Variants in ATP8A2 observed in about 807,000 individuals in gnomAD.
ATP8A2 encodes ATPase phospholipid transporting 8A2.
ATP8A2 carries 100 observed loss-of-function variants against 165.6 expected under a neutral mutation model. That is an observed-to-expected ratio of 0.60 (90% CI 0.51 to 0.71). The LOEUF (loss-of-function observed/expected upper bound fraction) is 0.71, where lower values mean the gene tolerates loss of function less well. Among genes scored for constraint, ATP8A2 ranks in the 30% least tolerant of loss-of-function variants. The pLI is 0.00. For synonymous variants in ATP8A2, 543 were observed against 548.8 expected, an observed-to-expected ratio of 0.99 and a Z score of 0.15; for missense variants, 1,227 against 1,479.5, an observed-to-expected ratio of 0.83 and a Z score of 2.80.
rs145593650 is a variant in ATP8A2, at chr13:25,737,544, G to A, written c.2385-31502G>A. Among the ~76,000 whole-genome samples, 851 of 152,306 alleles carry A rather than the reference G, an allele frequency of 5.6e-3. 10 individuals are homozygous for A. Among genetic ancestry groups the A allele is most frequent in the African/African-American group, 0.02 (819 of 41,564 alleles). On this transcript the variant is annotated intron_variant, in intron 25 of 36. Coordinates refer to ENST00000381655, the MANE Select transcript of ATP8A2 (RefSeq NM_016529.6). ...AGACAGGGTCACACTCTATCACCCA[G>A]GCTGGAGTGCAGTGGCACGATCATG... is the stretch of plus-strand genomic sequence containing the variant.
intron 35 of ATP8A2, among the ~76,000 whole-genome samples, chr13:26,011,913 C>G (rs543845194): frequency 6.6e-6 from 1 of 151,426 alleles, no homozygotes; most frequent in Admixed American, 6.6e-5. Flanking sequence ...CCAGTCTGGA[C>G]GACAGTGAGA....
At position 25,679,445 on chromosome 13, in the gene ATP8A2, A is replaced by G. The variant is rs555487812; in HGVS notation, c.2212-19728A>G. Among the ~76,000 whole-genome samples, 5 of 152,290 alleles carry G rather than the reference A, an allele frequency of 3.3e-5. No individual in the cohort carries two copies. The South Asian group carries it at 1.0e-3, about 32-fold the overall frequency. On this transcript the variant is annotated intron_variant, in intron 24 of 36. Transcript: ENST00000381655. The stretch of plus-strand genomic sequence containing the variant: ...GCCAGGGATAAACTTTGGGGCAGAT[A>G]ATGCGATTTGACTTCCTTGGGTGTT...
intron 1 of ATP8A2, among the ~76,000 whole-genome samples, chr13:25,409,952 G>A (rs2033918353): frequency 6.6e-6 from 1 of 151,746 alleles, no homozygotes; most frequent in Non-Finnish European, 1.5e-5. Flanking sequence ...ATGTGTGTAT[G>A]TATATAGAAA....
chr13:25,419,229 G>T (rs1047115070), intron 1 of ATP8A2, among the ~76,000 whole-genome samples: 1 of 152,180 alleles, frequency 6.6e-6, no homozygotes, highest in African/African-American at 2.4e-5. Flanking sequence ...GTCTTGGTCA[G>T]TGACTTGCAC....
intron 23 of ATP8A2, among the ~76,000 whole-genome samples, chr13:25,582,973 G>GA (rs1593583141): frequency 6.6e-6 from 1 of 152,346 alleles, no homozygotes; most frequent in East Asian, 1.9e-4. Context: ...GCTCACAAGA[G>GA]AGTAACATAG....
At position 25,475,121 on chromosome 13, in the gene ATP8A2, C is replaced by T. The variant is rs143685494; in HGVS notation, c.221+6000C>T. ...AGGTGTGGCTCACACCTGTAATAGG[C>T]CACTGTGCCCGGCCTCAATAGTTAT... On this transcript the variant is annotated intron_variant, in intron 2 of 36. Coordinates refer to ENST00000381655, the MANE Select transcript of ATP8A2 (RefSeq NM_016529.6). Among the ~76,000 whole-genome samples the T allele has an allele frequency of 6.8e-4, 104 of 152,190 alleles. 1 individual carries two copies. The highest frequency in any genetic ancestry group is 2.4e-3 in the African/African-American group (101 of 41,544).
chr13:25,894,630 C>T (rs576659164), intron 33 of ATP8A2, among the ~76,000 whole-genome samples: 41 of 152,142 alleles, frequency 2.7e-4, no homozygotes, highest in South Asian at 6.3e-4. Flanking sequence ...TTGGGCAGTG[C>T]GGCCATTTTC....
At chr13:25,458,595 G>A (rs2035424640) in intron 1 of ATP8A2, among the ~76,000 whole-genome samples, 1 of 152,240 alleles carries the variant, frequency 6.6e-6, no homozygotes, top group Non-Finnish European at 1.5e-5. Context: ...AGAATGGCAT[G>A]AGGGAAGTGC....
chr13:25,405,639 T>C (rs1366646235), intron 1 of ATP8A2, among the ~76,000 whole-genome samples: 2 of 152,162 alleles, frequency 1.3e-5, no homozygotes, highest in Non-Finnish European at 2.9e-5. Context: ...CCAGGAGAGT[T>C]TGACAAACCA....
chr13:25,966,336 A>C (rs1480659206), intron 34 of ATP8A2, among the ~76,000 whole-genome samples: 1 of 152,250 alleles, frequency 6.6e-6, no homozygotes, highest in Non-Finnish European at 1.5e-5. Flanking sequence ...CCTAAGTGAC[A>C]TGCCAGTGGC....
At chr13:25,527,839 T>G (rs2037890800) in intron 2 of ATP8A2, among the ~76,000 whole-genome samples, 1 of 152,190 alleles carries the variant, frequency 6.6e-6, no homozygotes, top group Non-Finnish European at 1.5e-5. Context: ...GCTGGGGTAA[T>G]GTGCCAACTG....
At chr13:25,592,494 A>G (rs566817536) in intron 24 of ATP8A2, among the ~76,000 whole-genome samples, 2 of 152,322 alleles carry the variant, frequency 1.3e-5, no homozygotes, top group Non-Finnish European at 2.9e-5. Context: ...AGAAGTAGAA[A>G]ATGAGTAAGC....
rs182781779 is a variant in ATP8A2 at position 25,773,886 on chromosome 13, A to G, written c.2569-963A>G. ...TGTCTCTGTGTATCTATGTGTGTAC[A>G]TCCGTGTGTGTCTATATGTGTGTGT... is the stretch of plus-strand genomic sequence containing the variant. On this transcript the variant is annotated intron_variant, in intron 26 of 36. Coordinates refer to ENST00000381655, the MANE Select transcript of ATP8A2 (RefSeq NM_016529.6). Among the ~76,000 whole-genome samples, 301 of 152,118 alleles carry G rather than the reference A, an allele frequency of 2.0e-3. 2 individuals carry two copies. Among genetic ancestry groups the G allele is most frequent in the Non-Finnish European group, 2.1e-3 (144 of 68,002 alleles).
intron 28 of ATP8A2, among the ~76,000 whole-genome samples, chr13:25,831,575 G>A (rs541819819): frequency 6.6e-6 from 1 of 152,218 alleles, no homozygotes; most frequent in Non-Finnish European, 1.5e-5. Context: ...GGGCGTGTTG[G>A]CTCACACCTA....
intron 27 of ATP8A2, among the ~76,000 whole-genome samples, chr13:25,776,635 C>A (rs2044748350): frequency 6.6e-6 from 1 of 152,128 alleles, no homozygotes; most frequent in South Asian, 2.1e-4. Context: ...CCCTCCTGCT[C>A]CTACATTTTT....
intron 2 of ATP8A2, among the ~76,000 whole-genome samples, chr13:25,493,245 G>A (rs2036578191): frequency 6.6e-6 from 1 of 152,056 alleles, no homozygotes; most frequent in East Asian, 1.9e-4. Flanking sequence ...CTGGCCTTAT[G>A]CTCATTAATT....
intron 33 of ATP8A2, among the ~76,000 whole-genome samples, chr13:25,884,017 G>A (rs1953061978): frequency 6.6e-6 from 1 of 152,096 alleles, no homozygotes; most frequent in South Asian, 2.1e-4. Flanking sequence ...TTCCCTTTAG[G>A]AGAAATGGAG....
intron 33 of ATP8A2, among the ~76,000 whole-genome samples, chr13:25,946,623 A>C (rs999243408): frequency 6.6e-6 from 1 of 152,238 alleles, no homozygotes; most frequent in Non-Finnish European, 1.5e-5. Flanking sequence ...GAGCGAGGGC[A>C]CACCCTGGGA....
At chr13:25,923,585 T>C (rs1954520600) in intron 33 of ATP8A2, among the ~76,000 whole-genome samples, 1 of 151,776 alleles carries the variant, frequency 6.6e-6, no homozygotes, top group African/African-American at 2.4e-5. Context: ...TCCTGCCATG[T>C]AGATCCAGTG....
Sources: allele counts gnomAD v4.1 joint callset (sites outside exome capture counted in the v4.1 genomes callset), GRCh38; gene constraint gnomAD v4.1.1; transcripts MANE v1.5; gene names NCBI Gene and HGNC (gene_info 2026-07-23, HGNC 2026-07-21).